Variants in CPEB3 observed in about 807,000 individuals in gnomAD.
CPEB3 encodes the protein cytoplasmic polyadenylation element-binding protein 3.
Under a neutral mutation model 67.2 loss-of-function variants are expected in CPEB3, and 20 were observed. That is an observed-to-expected ratio of 0.30 (90% CI 0.21 to 0.43). The LOEUF is 0.43. Among genes scored for constraint, CPEB3 ranks in the 20% least tolerant of loss-of-function variants. The probability of loss-of-function intolerance (pLI) is 1.00; values close to 1 mark genes in which losing one functional copy is unlikely to be tolerated. For synonymous variants in CPEB3, 376 were observed against 393.1 expected (o/e 0.96, Z 0.51); for missense variants, 746 against 968.6 (o/e 0.77, Z 3.05).
intron 1 of CPEB3, among the ~76,000 whole-genome samples, chr10:92,253,490 GAAAGA>G (rs1367250270): frequency 5.2e-5 from 7 of 135,828 alleles, no homozygotes; most frequent in South Asian, 4.8e-4. Context: ...AAAAAGAAAA[GAAAGA>G]AAAGAAAATT....
At chr10:92,179,076 G>A (rs1156668355) in intron 4 of CPEB3, among the ~76,000 whole-genome samples, 1 of 151,820 alleles carries the variant, frequency 6.6e-6, no homozygotes, top group Non-Finnish European at 1.5e-5. Context: ...TTTGTTATAG[G>A]TATCAGCAAA....
intron 4 of CPEB3, among the ~76,000 whole-genome samples, chr10:92,162,242 T>C (rs1187743656): frequency 3.3e-5 from 5 of 152,148 alleles, no homozygotes; most frequent in Admixed American, 2.0e-4. Context: ...CAGAGTAGTG[T>C]TACCCTTGGC....
At chr10:92,202,744 C>T (rs1849575928) in intron 2 of CPEB3, among the ~76,000 whole-genome samples, 1 of 151,368 alleles carries the variant, frequency 6.6e-6, no homozygotes, top group Admixed American at 6.6e-5. Flanking sequence ...AGATTGACTG[C>T]TAGTGAGTTT....
chr10:92,144,810 T>C (rs1356271534), intron 5 of CPEB3, 135 bp downstream of exon 5: 9 of 711,474 alleles, frequency 1.3e-5, no homozygotes, highest in Admixed American at 2.5e-5. Context: ...TACCACTTTC[T>C]AATCCACCAA....
chr10:92,221,256 G>A (rs1290441316), intron 2 of CPEB3, among the ~76,000 whole-genome samples: 1 of 152,196 alleles, frequency 6.6e-6, no homozygotes, highest in Non-Finnish European at 1.5e-5. Context: ...ATTTTGGGAG[G>A]CCATGGCAGG....
chr10:92,272,381 A>G (rs930016125), intron 1 of CPEB3: 1 of 152,064 alleles, frequency 6.6e-6, no homozygotes. Context: ...TTCTCCAAAG[A>G]TCTCTGTTTC....
rs990534574 is a variant in CPEB3, at chr10:92,049,685, C to T, written c.*2527G>A. The T allele has an allele frequency of 1.3e-5, 2 of 152,492 alleles. No homozygotes were observed. Among genetic ancestry groups the T allele is most frequent in the African/African-American group, 4.8e-5 (2 of 41,412 alleles). The allele number at this position is 152,492 out of a possible 1,614,324, so 9.4% of individuals were successfully genotyped here. ...ATTTTTTGTAACCTATTCTTCAGGACAATGTTTTTTGCCTTCACTTTAGCT... is the reference window on the plus strand; with the variant it reads ...ATTTTTTGTAACCTATTCTTCAGGATAATGTTTTTTGCCTTCACTTTAGCT... On this transcript the variant is annotated 3_prime_UTR_variant, in exon 10 of 10. Coordinates refer to ENST00000265997, the MANE Select transcript of CPEB3 (RefSeq NM_014912.5).
At chr10:92,087,799 T>C (rs543996836) in intron 8 of CPEB3, among the ~76,000 whole-genome samples, 6 of 152,186 alleles carry the variant, frequency 3.9e-5, no homozygotes, top group South Asian at 2.1e-4. Flanking sequence ...TATTTCTGTA[T>C]GGAGATTCAC....
intron 1 of CPEB3, among the ~76,000 whole-genome samples, chr10:92,270,713 C>G (rs1382302966): frequency 6.7e-6 from 1 of 148,512 alleles, no homozygotes; most frequent in Non-Finnish European, 1.5e-5. Context: ...CAAGTGCGCA[C>G]CACCATGCCC....
chr10:92,184,983 G>A (rs1197398832), intron 3 of CPEB3, among the ~76,000 whole-genome samples: 1 of 152,066 alleles, frequency 6.6e-6, no homozygotes, highest in African/African-American at 2.4e-5. Context: ...AAGTTTTACA[G>A]TTATTAAGGA....
At chr10:92,085,726 C>T (rs538475636) in intron 8 of CPEB3, among the ~76,000 whole-genome samples, 20 of 152,156 alleles carry the variant, frequency 1.3e-4, no homozygotes, top group Non-Finnish European at 2.4e-4. Flanking sequence ...CTCCTGCCTC[C>T]GCCTCCCAAG....
chr10:92,196,256 G>A (rs1039352700), intron 2 of CPEB3, among the ~76,000 whole-genome samples: 5 of 152,194 alleles, frequency 3.3e-5, no homozygotes, highest in Non-Finnish European at 7.3e-5. Flanking sequence ...GTGAGGGCAG[G>A]GACTAGTGTG....
In CPEB3 at chr10:92,048,905, T is replaced by G. The variant is rs1852190444; in HGVS notation, c.*3307A>C. On this transcript the variant is annotated 3_prime_UTR_variant, in exon 10 of 10. Transcript: ENST00000265997. This position sits in a 1 kb window ranked among gnomAD's most constrained non-coding sequence, Gnocchi z 4.1. ...TTCCAATAAAAATACAAAATAATAT[T>G]ATGACATTGACCAGATATGAAAGTC... The G allele has an allele frequency of 6.6e-6, 1 of 152,622 alleles. No homozygotes were observed. The highest frequency in any genetic ancestry group is 1.5e-5 in the Non-Finnish European group (1 of 68,036). The allele number at this position is 152,622 out of a possible 1,614,324, so 9.5% of individuals were successfully genotyped here. A position where few individuals can be genotyped will look rare whatever the true frequency, so the allele number is the denominator to read the frequency against.
At chr10:92,096,138 G>A (rs571668673) in intron 7 of CPEB3, among the ~76,000 whole-genome samples, 1 of 150,844 alleles carries the variant, frequency 6.6e-6, no homozygotes, top group South Asian at 2.1e-4. Context: ...GCCTCCCAAA[G>A]TGCTGGGATT....
At chr10:92,137,442 T>G (rs374639337) in intron 6 of CPEB3, 2 of 1,188,306 alleles carry the variant, frequency 1.7e-6, no homozygotes, top group Non-Finnish European at 2.4e-6. Context: ...ACTCAATCTA[T>G]GACATATTCC....
chr10:92,149,152 C>T (rs756226068), intron 4 of CPEB3, among the ~76,000 whole-genome samples: 8 of 152,176 alleles, frequency 5.3e-5, no homozygotes, highest in Non-Finnish European at 1.0e-4. Context: ...CTGCCTGTCT[C>T]GGCCTCCCAA....
intron 6 of CPEB3, among the ~76,000 whole-genome samples, chr10:92,112,292 C>T (rs888570092): frequency 6.6e-6 from 1 of 151,798 alleles, no homozygotes; most frequent in Non-Finnish European, 1.5e-5. Flanking sequence ...TTACAGGCGC[C>T]CGCCACCACA....
intron 3 of CPEB3, among the ~76,000 whole-genome samples, chr10:92,183,199 T>C (rs1233694823): frequency 6.6e-6 from 1 of 152,188 alleles, no homozygotes; most frequent in African/African-American, 2.4e-5. Context: ...CTATTTTTTA[T>C]AGATTTCATA....
chr10:92,187,554 T>C (rs1848751456), intron 3 of CPEB3, among the ~76,000 whole-genome samples: 1 of 152,190 alleles, frequency 6.6e-6, no homozygotes, highest in South Asian at 2.1e-4. Flanking sequence ...ATCTTACTTC[T>C]CTGCTCAATG....
Sources: gnomAD v4.1 joint callset for allele counts (sites outside exome capture counted in the v4.1 genomes callset) on GRCh38, gnomAD v4.1.1 for gene constraint, Gnocchi (gnomAD v3.1) non-coding constraint, MANE v1.5 for transcripts, NCBI Gene and HGNC (gene_info 2026-07-23, HGNC 2026-07-21) for gene names.